Variants in ITGB4 observed in about 807,000 individuals in gnomAD.
The protein encoded by ITGB4 is integrin beta-4.
A neutral mutation model predicts 207.6 loss-of-function variants in ITGB4; 159 were observed. The ratio of observed to expected loss-of-function variants is 0.77; its 90% CI spans 0.67 to 0.87. The LOEUF is 0.87. Among genes scored for constraint, ITGB4 ranks in the 40% least tolerant of loss-of-function variants. The probability of loss-of-function intolerance (pLI) is 0.00; values close to 1 mark genes in which losing one functional copy is unlikely to be tolerated. For synonymous variants in ITGB4, 1,020 were observed against 1,062.7 expected (o/e 0.96, Z 0.78); for missense variants, 2,278 against 2,546.8 (o/e 0.89, Z 2.27).
Position 75,750,121 on chromosome 17 carries a change from C to T in ITGB4, c.3327C>T (p.Asp1109=). 1.2e-6 allele frequency: 2 copies of T among 1,613,612 alleles called. No homozygotes were observed. The highest frequency in any genetic ancestry group is 1.7e-6 in the Non-Finnish European group (2 of 1,180,006). Residue 1109 remains aspartate, a synonymous_variant, in exon 28 of 40, where the codon GAC becomes GAT. Coordinates refer to ENST00000200181, the MANE Select transcript of ITGB4 (RefSeq NM_000213.5). The surrounding 1 kb of genome is among the most constrained non-coding windows in gnomAD (Gnocchi z 5.5). The part of the protein sequence containing the change: ...TIIIRDPDEL[D]RSFTSQMLSS... ...AACCTGACCCGTTAGATGAACTGGACCGGAGCTTCACGAGTCAGATGTTGT... is the reference window on the plus strand; with the variant it reads ...AACCTGACCCGTTAGATGAACTGGATCGGAGCTTCACGAGTCAGATGTTGT...
At position 75,754,807 on chromosome 17, in the gene ITGB4, C is replaced by T. The variant is rs1568383935; in HGVS notation, c.4550C>T (p.Ser1517Phe). 6.2e-7 allele frequency: 1 copy of T among 1,614,102 alleles called. No homozygotes were observed. Among genetic ancestry groups the T allele is most frequent in the Non-Finnish European group, 8.5e-7 (1 of 1,180,004 alleles). The change falls in exon 34 of 40, where the codon TCC (serine) becomes TTC (phenylalanine). Residue 1517 changes from serine (S) to phenylalanine (F), a missense_variant. Ser to Phe is a radical substitution (Grantham distance 155). Transcript: ENST00000200181. ...GACTACTCCACCCTCACCTCCGTCT[C>T]CTCCCACGGTGAGTGACCTCAGCCA... Reference protein sequence around the residue: ...PRDYSTLTSVSSHDSRLTAGV... With the variant: ...PRDYSTLTSVFSHDSRLTAGV...
chr17:75,757,164 G>A, intron 38 of ITGB4, 36 bp from the exon 39 acceptor site: 1 of 1,612,208 alleles, frequency 6.2e-7, no homozygotes, highest in Non-Finnish European at 8.5e-7. Flanking sequence ...CCTCCTTCTG[G>A]CACCACCCTC....
chr17:75,737,450 C>G lies in ITGB4; in HGVS notation c.2113+6C>G. The G allele has an allele frequency of 6.4e-7, 1 of 1,553,612 alleles. No homozygotes were observed. On this transcript the variant is annotated splice_donor_region_variant and intron_variant, in intron 17 of 39. Coordinates refer to ENST00000200181, the MANE Select transcript of ITGB4 (RefSeq NM_000213.5). ...CCTGGTGCACAAGAAGAAGGGTGAG[C>G]TGGTGGGGCCGGGCGCAGGGAGGGG...
At position 75,752,241 on chromosome 17, in the gene ITGB4, C is replaced by G. The variant is rs145351926; in HGVS notation, c.3861C>G (p.Asn1287Lys). ...NPKNRMLLIE[N>K]LRESQPYRYT... is the part of the protein sequence containing the mutation. The stretch of plus-strand genomic sequence containing the variant: ...AGAACCGGATGCTGCTTATTGAGAA[C>G]CTTCGGGAGTCCCAGCCCTACCGCT... Residue 1287 changes from asparagine to lysine, a missense_variant, in exon 31 of 40, where the codon AAC (asparagine) becomes AAG (lysine). Asn to Lys is a moderately conservative substitution (Grantham distance 94). Transcript: ENST00000200181. 2.5e-6 allele frequency: 4 copies of G among 1,613,596 alleles called. No individual in the cohort carries two copies. Among genetic ancestry groups the G allele is most frequent in the Non-Finnish European group, 3.4e-6 (4 of 1,179,992 alleles).
At position 75,727,229 on chromosome 17, in the gene ITGB4, C is replaced by T. The variant is rs1198478947; in HGVS notation, c.114C>T (p.Cys38=). The T allele has an allele frequency of 1.2e-6, 2 of 1,613,950 alleles. No homozygotes were observed. Among genetic ancestry groups the T allele is most frequent in the Non-Finnish European group, 1.7e-6 (2 of 1,179,990 alleles). Residue 38 remains cysteine (C), a synonymous_variant, in exon 3 of 40, where the codon TGC becomes TGT. Coordinates refer to ENST00000200181, the MANE Select transcript of ITGB4 (RefSeq NM_000213.5). This position sits in a 1 kb window ranked among gnomAD's most constrained non-coding sequence, Gnocchi z 6.0. ...NRCKKAPVKS[C]TECVRVDKDC... The stretch of plus-strand genomic sequence containing the variant: ...GCAAGAAGGCCCCAGTGAAGAGCTG[C>T]ACGGAGTGTGTCCGTGTGGATAAGG...
In ITGB4 at chr17:75,743,705, C is replaced by T. The variant is rs978271967; in HGVS notation, c.2963-8C>T. 4.3e-6 allele frequency: 7 copies of T among 1,613,324 alleles called. No individual in the cohort carries two copies. The African/African-American group carries it at 9.3e-5, about 22-fold the overall frequency. ...GCACACTCTGACAAATGCCCGGGCT[C>T]CTTGCAGCCAGAGACGTGGTGTCCT... On this transcript the variant is annotated splice_region_variant and splice_polypyrimidine_tract_variant and intron_variant, in intron 25 of 39. Coordinates refer to ENST00000200181, the MANE Select transcript of ITGB4 (RefSeq NM_000213.5).
At chr17:75,752,999 A>G (rs896639083) in intron 32 of ITGB4, among the ~76,000 whole-genome samples, 2 of 152,224 alleles carry the variant, frequency 1.3e-5, no homozygotes, top group Non-Finnish European at 2.9e-5. Context: ...CTTGATTCCC[A>G]GCACAAAGTG....
chr17:75,737,260 C>T (rs2060998609), intron 16 of ITGB4, 62 bp from the exon 17 acceptor site: 3 of 1,557,728 alleles, frequency 1.9e-6, no homozygotes, highest in African/African-American at 2.7e-5. Context: ...CTCACCAGAC[C>T]CTGGGTCCTC....
rs1324410626 is a variant in ITGB4 at position 75,730,419 on chromosome 17, C to T, written c.917C>T (p.Ser306Leu). The T allele has an allele frequency of 2.5e-6, 4 of 1,614,056 alleles. No homozygotes were observed. The highest frequency in any genetic ancestry group is 3.4e-6 in the Non-Finnish European group (4 of 1,180,022). Residue 306 changes from serine to leucine, a missense_variant, in exon 8 of 40, where the codon TCG becomes TTG. Ser to Leu is a moderately radical substitution (Grantham distance 145). Coordinates refer to ENST00000200181, the MANE Select transcript of ITGB4 (RefSeq NM_000213.5). The stretch of plus-strand genomic sequence containing the variant: ...CAGTACAGGACACAGGACTACCCGT[C>T]GGTGCCCACCCTGGTGCGCCTGCTC... Reference protein sequence around the residue: ...YTQYRTQDYPSVPTLVRLLAK... With the variant: ...YTQYRTQDYPLVPTLVRLLAK...
In ITGB4 at chr17:75,756,960, C is replaced by A. The variant is rs756270166; in HGVS notation, c.5071C>A (p.Arg1691=). 1 of 1,612,646 alleles carries A rather than the reference C, an allele frequency of 6.2e-7. No individual in the cohort carries two copies. ...CTGCTCAGGGCCAGCCACCGCATTCCGGGTGGATGGAGACAGCCCCGAGAG... is the reference window on the plus strand; with the variant it reads ...CTGCTCAGGGCCAGCCACCGCATTCAGGGTGGATGGAGACAGCCCCGAGAG... ...AQGGGPATAF[R]VDGDSPESRL... is the part of the protein sequence containing the mutation. The change falls in exon 38 of 40, where the codon CGG becomes AGG. Residue 1691 remains arginine, a synonymous_variant. Transcript: ENST00000200181.
Position 75,742,846 on chromosome 17 carries a change from C to A in ITGB4, c.2962+85C>A. 1 of 1,308,674 alleles carries A rather than the reference C, an allele frequency of 7.6e-7. No individual in the cohort carries two copies. Among genetic ancestry groups the A allele is most frequent in the Non-Finnish European group, 1.1e-6 (1 of 946,414 alleles). The allele number at this position is 1,308,674 out of a possible 1,614,324, so 81.1% of individuals were successfully genotyped here. A position where few individuals can be genotyped will look rare whatever the true frequency, so the allele number is the denominator to read the frequency against. Reference sequence around the variant, plus strand: ...CTGCTTAAGTGGAATTGCGACCTGGCCACGTGGCCTGGGCTAGTCACTTAA... The same window carrying A: ...CTGCTTAAGTGGAATTGCGACCTGGACACGTGGCCTGGGCTAGTCACTTAA... On this transcript the variant is annotated intron_variant, in intron 25 of 39. Coordinates refer to ENST00000200181, the MANE Select transcript of ITGB4 (RefSeq NM_000213.5). This position sits in a 1 kb window ranked among gnomAD's most constrained non-coding sequence, Gnocchi z 5.9.
chr17:75,721,622 C>G lies in ITGB4; in HGVS notation c.-11+10C>G, dbSNP rs1049813638. The stretch of plus-strand genomic sequence containing the variant: ...GGCTGGCCGGGAGAGGGTGAGTGCC[C>G]GCCCCAGCTGGGCAGCCGCGCAGGG... On this transcript the variant is annotated intron_variant, in intron 1 of 39. Coordinates refer to ENST00000200181, the MANE Select transcript of ITGB4 (RefSeq NM_000213.5). 2 of 152,566 alleles carry G rather than the reference C, an allele frequency of 1.3e-5. No individual in the cohort carries two copies. The highest frequency in any genetic ancestry group is 4.8e-5 in the African/African-American group (2 of 41,470). The allele number at this position is 152,566 out of a possible 1,614,324, so 9.5% of individuals were successfully genotyped here.
At chr17:75,756,239 AGGCTCCACT>A (rs2061498004) in intron 35 of ITGB4, among the ~76,000 whole-genome samples, 181 bp from the exon 36 acceptor site, 1 of 152,168 alleles carries the variant, frequency 6.6e-6, no homozygotes, top group African/African-American at 2.4e-5. Flanking sequence ...GTGGGATTAC[AGGCTCCACT>A]CTTGTATAGT....
At chr17:75,736,252 G>A in intron 14 of ITGB4, 36 bp from the exon 15 acceptor site, 1 of 1,604,826 alleles carries the variant, frequency 6.2e-7, no homozygotes, top group South Asian at 1.1e-5. Context: ...CAGGGATGGG[G>A]CACAGCTGGC....
intron 27 of ITGB4, among the ~76,000 whole-genome samples, chr17:75,749,376 A>C (rs1167171746): frequency 1.3e-5 from 2 of 152,134 alleles, no homozygotes; most frequent in African/African-American, 4.8e-5. Context: ...AAAAATAAAC[A>C]AATTAGCTTG....
In ITGB4 at chr17:75,736,395, A is replaced by C. The variant is rs2060975974; in HGVS notation, c.1860+9A>C. Reference sequence around the variant, plus strand: ...AGATCAACTACTCGGCGGTGAGGCTAAGACCTACGAGGTGTGGGCGTGGGA... The same window carrying C: ...AGATCAACTACTCGGCGGTGAGGCTCAGACCTACGAGGTGTGGGCGTGGGA... On this transcript the variant is annotated intron_variant, in intron 15 of 39. Transcript: ENST00000200181. 1 of 1,613,746 alleles carries C rather than the reference A, an allele frequency of 6.2e-7. No homozygotes were observed. The highest frequency in any genetic ancestry group is 8.5e-7 in the Non-Finnish European group (1 of 1,179,682).
At position 75,750,184 on chromosome 17, in the gene ITGB4, G is replaced by A. The variant is rs200774405; in HGVS notation, c.3390G>A (p.Pro1130=). Residue 1130 remains proline (P), a synonymous_variant, in exon 28 of 40, where the codon CCG becomes CCA. Transcript: ENST00000200181. This position sits in a 1 kb window ranked among gnomAD's most constrained non-coding sequence, Gnocchi z 5.5. ...QPPPHGDLGA[P]QNPNAKAAGS... ...CCCCTCACGGCGACCTGGGCGCCCC[G>A]CAGAACCCCAATGCTAAGGCCGCTG... The A allele has an allele frequency of 2.9e-5, 47 of 1,613,868 alleles. No homozygotes were observed. The East Asian group carries it at 6.0e-4, about 21-fold the overall frequency.
Position 75,740,710 on chromosome 17 carries a change from T to C in ITGB4, c.2551-83T>C. ...CCTGAGGATCTCTGGGTACAGAGGC[T>C]GCCTGGCTCCCTGGGTCCCCAGCCT... On this transcript the variant is annotated intron_variant, in intron 21 of 39. Coordinates refer to ENST00000200181, the MANE Select transcript of ITGB4 (RefSeq NM_000213.5). This position sits in a 1 kb window ranked among gnomAD's most constrained non-coding sequence, Gnocchi z 5.9. 3 of 1,472,876 alleles carry C rather than the reference T, an allele frequency of 2.0e-6. No homozygotes were observed. The highest frequency in any genetic ancestry group is 2.8e-6 in the Non-Finnish European group (3 of 1,054,510). 91.2% of individuals were successfully genotyped at this position (1,472,876 alleles called of 1,614,324 possible). A position where few individuals can be genotyped will look rare whatever the true frequency, so the allele number is the denominator to read the frequency against.
chr17:75,749,025 C>T lies in ITGB4; in HGVS notation c.3296C>T (p.Thr1099Ile), dbSNP rs1156687961. The part of the protein sequence containing the change: ...GAHLGQPHST[T>I]IIIRDPDELD... ...CACCTGGGCCAGCCCCACTCCACCACCATCATCATCAGGGACCCAGGTAGG... is the reference window on the plus strand; with the variant it reads ...CACCTGGGCCAGCCCCACTCCACCATCATCATCATCAGGGACCCAGGTAGG... The change falls in exon 27 of 40, where the codon ACC becomes ATC. Residue 1099 changes from threonine to isoleucine, a missense_variant. By Grantham distance (89) the Thr-to-Ile change is moderately conservative (BLOSUM62 -1). Coordinates refer to ENST00000200181, the MANE Select transcript of ITGB4 (RefSeq NM_000213.5). 1.9e-6 allele frequency: 3 copies of T among 1,566,586 alleles called. No homozygotes were observed. The highest frequency in any genetic ancestry group is 1.7e-4 in the Middle Eastern group (1 of 5,860).
Sources: allele counts gnomAD v4.1 joint callset (sites outside exome capture counted in the v4.1 genomes callset), GRCh38; gene constraint gnomAD v4.1.1; non-coding constraint Gnocchi (gnomAD v3.1); transcripts MANE v1.5; gene names NCBI Gene and HGNC (gene_info 2026-07-23, HGNC 2026-07-21).